The following CYP4F2 variants were observed in gnomAD, a reference collection of about 807,000 sequenced individuals.
CYP4F2 encodes the protein cytochrome P450 4F2.
CYP4F2 carries 58 observed loss-of-function variants against 58.9 expected under a neutral mutation model. That is an observed-to-expected ratio of 0.98 (90% CI 0.80 to 1.23). The LOEUF is 1.23. CYP4F2 is among the 50% of genes most tolerant of loss of function. The probability of loss-of-function intolerance (pLI) is 0.00; values close to 1 mark genes in which losing one functional copy is unlikely to be tolerated. For synonymous variants in CYP4F2, 287 were observed against 261.1 expected (o/e 1.10, Z -0.95); for missense variants, 616 against 685.6 (o/e 0.90, Z 1.13).
At position 15,889,929 on chromosome 19, in the gene CYP4F2, G is replaced by A. The variant is rs80053276; in HGVS notation, c.648-236C>T. On this transcript the variant is annotated intron_variant, in intron 6 of 12. Coordinates refer to ENST00000221700, the MANE Select transcript of CYP4F2 (RefSeq NM_001082.5). ...CCGCTAGGCACCCAGAGCATAGCTT[G>A]CACATTATTCTCCTATTCTCTCTTT... 4.5e-4 allele frequency among the ~76,000 whole-genome samples: 69 copies of A among 152,266 alleles called. No homozygotes were observed. The East Asian group carries it at 0.013, about 29-fold the overall frequency.
Position 15,895,667 on chromosome 19 carries a change from G to A in CYP4F2, c.199-17C>T, listed in dbSNP as rs779597671. The A allele has an allele frequency of 1.9e-6, 3 of 1,585,936 alleles. No individual in the cohort carries two copies. Among genetic ancestry groups the A allele is most frequent in the South Asian group, 1.2e-5 (1 of 86,210 alleles). ...GGGGTTGACCTGCAAGCAAGGCAGGGGTCATTACCTTCTGTGATAGTTAAT... is the reference window on the plus strand; with the variant it reads ...GGGGTTGACCTGCAAGCAAGGCAGGAGTCATTACCTTCTGTGATAGTTAAT... On this transcript the variant is annotated splice_polypyrimidine_tract_variant and intron_variant, in intron 2 of 12. Coordinates refer to ENST00000221700, the MANE Select transcript of CYP4F2 (RefSeq NM_001082.5).
chr19:15,881,799 C>CT (rs2089347569), intron 9 of CYP4F2, among the ~76,000 whole-genome samples: 1 of 149,710 alleles, frequency 6.7e-6, no homozygotes, highest in South Asian at 2.1e-4. Context: ...ACCATTCAGC[C>CT]TTAAAAAAAA....
intron 9 of CYP4F2, among the ~76,000 whole-genome samples, chr19:15,880,773 A>C (rs2089340020): frequency 2.0e-5 from 3 of 152,386 alleles, no homozygotes; most frequent in African/African-American, 7.2e-5. Context: ...ACTCTTATTT[A>C]AAACAATGTC....
At chr19:15,897,342 C>A in intron 2 of CYP4F2, 72 bp downstream of exon 2, 1 of 1,397,150 alleles carries the variant, frequency 7.2e-7, no homozygotes, top group Non-Finnish European at 9.9e-7. Flanking sequence ...TTCACCCCCA[C>A]TCCCTAAGCC....
intron 6 of CYP4F2, 95 bp from the exon 7 acceptor site, chr19:15,889,788 T>C: frequency 2.6e-6 from 4 of 1,534,338 alleles, no homozygotes; most frequent in Non-Finnish European, 3.5e-6. Context: ...CTCCTATCAG[T>C]AAACAGAGTA....
In CYP4F2 at chr19:15,879,447, AG is replaced by A; in HGVS notation, c.1315-20del. The A allele has an allele frequency of 6.2e-7, 1 of 1,613,950 alleles. No homozygotes were observed. Among genetic ancestry groups the A allele is most frequent in the Non-Finnish European group, 8.5e-7 (1 of 1,179,888 alleles). ...CGTAGACCTGGAGGTGAGACCAAGAAGGGTTGTTGGGTGGGGTCTCCCAGTC... is the reference window on the plus strand; with the variant it reads ...CGTAGACCTGGAGGTGAGACCAAGAAGGTTGTTGGGTGGGGTCTCCCAGTC... On this transcript the variant is annotated intron_variant, in intron 11 of 12. Transcript: ENST00000221700.
At chr19:15,879,475 G>T (rs575784610) in intron 11 of CYP4F2, 47 bp from the exon 12 acceptor site, 27 of 1,611,080 alleles carry the variant, frequency 1.7e-5, no homozygotes, top group Non-Finnish European at 2.1e-5. Flanking sequence ...CTCCCAGTCC[G>T]CCAGCCTTGG....
At chr19:15,890,089 C>T (rs543115910) in intron 6 of CYP4F2, among the ~76,000 whole-genome samples, 2 of 152,342 alleles carry the variant, frequency 1.3e-5, no homozygotes, top group African/African-American at 2.4e-5. Flanking sequence ...TTTAGTGCTA[C>T]ATTAGTCAGT....
intron 5 of CYP4F2, among the ~76,000 whole-genome samples, chr19:15,891,346 C>A (rs1055536834): frequency 2.0e-5 from 3 of 152,190 alleles, no homozygotes; most frequent in African/African-American, 7.2e-5. Flanking sequence ...TAACAAGAAA[C>A]ACATGCTGCT....
intron 3 of CYP4F2, among the ~76,000 whole-genome samples, 190 bp downstream of exon 3, chr19:15,895,316 A>G (rs1032127671): frequency 6.6e-6 from 1 of 152,192 alleles, no homozygotes; most frequent in African/African-American, 2.4e-5. Flanking sequence ...GAACACCAGA[A>G]CAGGGGGTAG....
chr19:15,892,502 C>A (rs1357146651), intron 4 of CYP4F2, 27 bp downstream of exon 4: 4 of 1,613,996 alleles, frequency 2.5e-6, no homozygotes, highest in Admixed American at 1.7e-5. Flanking sequence ...ACGTTTTTCC[C>A]AACCCTGTTC....
At chr19:15,883,160 T>C (rs2089355466) in intron 9 of CYP4F2, among the ~76,000 whole-genome samples, 1 of 152,066 alleles carries the variant, frequency 6.6e-6, no homozygotes, top group East Asian at 1.9e-4. Context: ...AAGGAAACAG[T>C]CAACAAAGTG....
chr19:15,885,303 G>A (rs745545514), intron 9 of CYP4F2, among the ~76,000 whole-genome samples: 4 of 152,130 alleles, frequency 2.6e-5, no homozygotes, highest in Non-Finnish European at 5.9e-5. Flanking sequence ...CTCTGCCCAT[G>A]TGGGCTGGGA....
At chr19:15,892,478 C>A (rs778708764) in intron 4 of CYP4F2, 42 bp from the exon 5 acceptor site, 2 of 1,614,014 alleles carry the variant, frequency 1.2e-6, no homozygotes, top group South Asian at 2.2e-5. Flanking sequence ...ACCTCTCCCT[C>A]CCCTGGCCCC....
chr19:15,886,418 T>C (rs1721447877), intron 7 of CYP4F2, 110 bp from the exon 8 acceptor site: 1 of 1,441,622 alleles, frequency 6.9e-7, no homozygotes, highest in Admixed American at 1.8e-5. Context: ...TCATCCTTTT[T>C]CCAGAAATCC....
Position 15,879,889 on chromosome 19 carries a change from A to ACAT in CYP4F2, c.1123_1124insATG (p.Leu375delinsHisVal). 6.2e-7 allele frequency: 1 copy of ACAT among 1,614,196 alleles called. No individual in the cohort carries two copies. The highest frequency in any genetic ancestry group is 8.5e-7 in the Non-Finnish European group (1 of 1,180,028). The stretch of plus-strand genomic sequence containing the variant: ...CATGGTCAGGAAGGGCAAATGGGCC[A>ACAT]GGTCGTCCCTAAGGAAACACCCCAG... On this transcript the variant is annotated protein_altering_variant, in exon 10 of 13. Coordinates refer to ENST00000221700, the MANE Select transcript of CYP4F2 (RefSeq NM_001082.5).
Position 15,895,616 on chromosome 19 carries a change from G to A in CYP4F2, c.233C>T (p.Thr78Ile). The A allele has an allele frequency of 6.3e-7, 1 of 1,597,158 alleles. No homozygotes were observed. Among genetic ancestry groups the A allele is most frequent in the Non-Finnish European group, 8.5e-7 (1 of 1,172,862 alleles). ...NPTEEGMRVL[T>I]QLVATYPQGF... ...CTGGGGGTAGGTGGCCACCAGCTGAGTCAGAACTCTCATGCCCTCCTCTGT... is the reference window on the plus strand; with the variant it reads ...CTGGGGGTAGGTGGCCACCAGCTGAATCAGAACTCTCATGCCCTCCTCTGT... Residue 78 changes from threonine (T) to isoleucine (I), a missense_variant, in exon 3 of 13, where the codon ACT (threonine) becomes ATT (isoleucine). Physicochemically the swap from Thr to Ile is moderately conservative, Grantham distance 89. Coordinates refer to ENST00000221700, the MANE Select transcript of CYP4F2 (RefSeq NM_001082.5).
chr19:15,886,396 G>A (rs1438830951), intron 7 of CYP4F2, 88 bp from the exon 8 acceptor site: 12 of 1,493,512 alleles, frequency 8.0e-6, no homozygotes, highest in Non-Finnish European at 1.1e-5. Flanking sequence ...ATCTGAGACA[G>A]TCTCTGAAGA....
intron 1 of CYP4F2, 79 bp from the exon 2 acceptor site, chr19:15,897,691 C>T (rs2089456910): frequency 6.5e-7 from 1 of 1,533,394 alleles, no homozygotes; most frequent in Non-Finnish European, 8.8e-7. Flanking sequence ...AGTGGAGAGG[C>T]AGGGACGGGC....
Sources: gnomAD v4.1 joint callset for allele counts (sites outside exome capture counted in the v4.1 genomes callset) on GRCh38, gnomAD v4.1.1 for gene constraint, MANE v1.5 for transcripts, NCBI Gene and HGNC (gene_info 2026-07-23, HGNC 2026-07-21) for gene names.